The following ZAN variants were observed in gnomAD, a reference collection of about 807,000 sequenced individuals.
The protein encoded by ZAN is zonadhesin.
In ZAN, 260 loss-of-function variants were observed where a neutral mutation model predicts 286.2. That is an observed-to-expected ratio of 0.91 (90% CI 0.82 to 1.01). The LOEUF is 1.01. ZAN is among the 50% of genes least tolerant of loss of function. The pLI, the probability that ZAN is intolerant of heterozygous loss-of-function variation, is 0.00. For synonymous variants in ZAN, 1,368 were observed against 1,417.5 expected (o/e 0.97, Z 0.79); for missense variants, 3,410 against 3,639.2 (o/e 0.94, Z 1.62).
chr7:100,749,337 G>C (rs1461842623), intron 11 of ZAN, among the ~76,000 whole-genome samples: 1 of 151,146 alleles, frequency 6.6e-6, no homozygotes, highest in Non-Finnish European at 1.5e-5. Flanking sequence ...GTAAGATTCT[G>C]TCTTAAAAAT....
rs773775545 is a variant in ZAN at position 100,759,863 on chromosome 7, C to G, written c.3696+18C>G. On this transcript the variant is annotated intron_variant, in intron 18 of 47. Coordinates refer to ENST00000613979, the MANE Select transcript of ZAN (RefSeq NM_003386.3). Reference sequence around the variant, plus strand: ...GCACTCTGGTGAGCCCCATTCCACCCCCACCATCCTTGCAGGGTCTGACTG... The same window carrying G: ...GCACTCTGGTGAGCCCCATTCCACCGCCACCATCCTTGCAGGGTCTGACTG... 1 of 1,609,822 alleles carries G rather than the reference C, an allele frequency of 6.2e-7. No homozygotes were observed. The highest frequency in any genetic ancestry group is 1.1e-5 in the South Asian group (1 of 90,374).
Position 100,779,532 on chromosome 7 carries a change from G to A in ZAN, c.6404G>A (p.Arg2135His), listed in dbSNP as rs376133509. 6.2e-5 allele frequency: 100 copies of A among 1,612,140 alleles called. 1 individual carries two copies. The highest frequency in any genetic ancestry group is 8.2e-5 in the Non-Finnish European group (97 of 1,179,332). ...PSGNCRAADL[R>H]RAREKCEAAL... is the part of the protein sequence containing the mutation. Reference sequence around the variant, plus strand: ...GGAAACTGCAGGGCGGCCGACCTCCGCAGGGCGCGGGAAAAGTGCGAGGCA... The same window carrying A: ...GGAAACTGCAGGGCGGCCGACCTCCACAGGGCGCGGGAAAAGTGCGAGGCA... Residue 2135 changes from arginine to histidine, a missense_variant, in exon 35 of 48, where the codon CGC (arginine) becomes CAC (histidine). By Grantham distance (29) the Arg-to-His change is conservative. Around this residue, in one of 7 missense-constraint regions of ZAN, gnomAD observed 1,289 missense variants for 1,314.3 expected, o/e 0.98. Coordinates refer to ENST00000613979, the MANE Select transcript of ZAN (RefSeq NM_003386.3).
At position 100,792,047 on chromosome 7, in the gene ZAN, G is replaced by A. The variant is rs761936194; in HGVS notation, c.7611G>A (p.Glu2537=). The stretch of plus-strand genomic sequence containing the variant: ...TCCAAGTGTCCGAATGTAGCCCGGA[G>A]CAGCTGGCGAGCAACAGCACCCAGG... The part of the protein sequence containing the change: ...TGLQVSECSP[E]QLASNSTQAC... The change falls in exon 41 of 48, where the codon GAG becomes GAA. Residue 2537 remains glutamate (E), a synonymous_variant. Transcript: ENST00000613979. 1.9e-6 allele frequency: 3 copies of A among 1,613,240 alleles called. No individual in the cohort carries two copies. The highest frequency in any genetic ancestry group is 2.5e-6 in the Non-Finnish European group (3 of 1,179,782).
In ZAN at chr7:100,738,987, C is replaced by CTCTCCT. The variant is rs1295059367; in HGVS notation, c.766+390_766+395dup. Among the ~76,000 whole-genome samples, 389 of 39,404 alleles carry CTCTCCT rather than the reference C, an allele frequency of 9.9e-3. 77 individuals carry two copies. The highest frequency in any genetic ancestry group is 0.02 in the African/African-American group (253 of 12,664). The allele number at this position is 39,404 out of a possible 152,430, so 25.9% of individuals were successfully genotyped here. On this transcript the variant is annotated intron_variant, in intron 7 of 47. Coordinates refer to ENST00000613979, the MANE Select transcript of ZAN (RefSeq NM_003386.3). ...CCTCTCCCTCTCCCTCTCCCTCTCC[C>CTCTCCT]TCTCCTTCTCCTTCTCCTTCTTCTT...
At chr7:100,743,410 A>G (rs2115697529) in intron 7 of ZAN, among the ~76,000 whole-genome samples, 1 of 151,558 alleles carries the variant, frequency 6.6e-6, no homozygotes, top group East Asian at 1.9e-4. Flanking sequence ...TTCTCTTTCT[A>G]CTGTTGACTT....
Position 100,776,442 on chromosome 7 carries a change from C to A in ZAN, c.6195C>A (p.Val2065=). 1 of 1,605,622 alleles carries A rather than the reference C, an allele frequency of 6.2e-7. No individual in the cohort carries two copies. Among genetic ancestry groups the A allele is most frequent in the South Asian group, 1.1e-5 (1 of 89,074 alleles). ...IEIPTTYYGK[V]CGMCGNFNDE... ...GAAAAACCACTCTCCCCCGCCAGGTCTGCGGCATGTGTGGGAACTTCAATG... is the reference window on the plus strand; with the variant it reads ...GAAAAACCACTCTCCCCCGCCAGGTATGCGGCATGTGTGGGAACTTCAATG... The change falls in exon 34 of 48, where the codon GTC becomes GTA. Residue 2065 remains valine, a splice_region_variant and synonymous_variant. Transcript: ENST00000613979.
chr7:100,797,226 G>A (rs1812418630), intron 45 of ZAN, 140 bp from the exon 46 acceptor site: 2 of 759,134 alleles, frequency 2.6e-6, no homozygotes, highest in Admixed American at 2.3e-5. Context: ...GAACCTCCTG[G>A]AGGAAGAAGC....
chr7:100,758,419 G>T (rs531790131), intron 16 of ZAN, 76 bp downstream of exon 16: 44 of 1,588,974 alleles, frequency 2.8e-5, no homozygotes, highest in Admixed American at 5.1e-5. Flanking sequence ...CCAATCCCTC[G>T]CTTGAGCAGA....
At chr7:100,759,632 T>A in intron 17 of ZAN, 89 bp from the exon 18 acceptor site, 7 of 1,406,466 alleles carry the variant, frequency 5.0e-6, no homozygotes, top group Non-Finnish European at 5.6e-6. Flanking sequence ...GGCGCTCATC[T>A]CTCCCTGCGG....
intron 34 of ZAN, among the ~76,000 whole-genome samples, chr7:100,779,225 C>T (rs1355341531): frequency 6.7e-6 from 1 of 149,048 alleles, no homozygotes; most frequent in Non-Finnish European, 1.5e-5. Context: ...AAAAATTGGT[C>T]GGGCGTGGTG....
Position 100,736,943 on chromosome 7 carries a change from GC to G in ZAN, c.391del (p.Gln131SerfsTer46). The G allele has an allele frequency of 6.7e-7, 1 of 1,501,930 alleles. No individual in the cohort carries two copies. Among genetic ancestry groups the G allele is most frequent in the Non-Finnish European group, 9.1e-7 (1 of 1,097,410 alleles). 93.0% of individuals were successfully genotyped at this position (1,501,930 alleles called of 1,614,324 possible). ...AHHMFGLSWGAQLRLLLLSGE... is the reference protein window; with the variant it reads ...AHHMFGLSWGXQLRLLLLSGE... ...CCACATGTTCGGGCTGTCTTGGGGC[GC>G]CCAGCTCAGGCTGCTGCTGCTCTCG... On this transcript the variant is annotated frameshift_variant, in exon 5 of 48. Transcript: ENST00000613979. LOFTEE classifies it high-confidence loss of function.
intron 14 of ZAN, among the ~76,000 whole-genome samples, chr7:100,754,341 C>T (rs1280926513): frequency 6.6e-6 from 1 of 151,586 alleles, no homozygotes; most frequent in East Asian, 2.0e-4. Flanking sequence ...TGCCTGTAGT[C>T]CCAGCTACTC....
Position 100,752,817 on chromosome 7 carries a change from A to G in ZAN, c.2712A>G (p.Glu904=), listed in dbSNP as rs374361522. 3.5e-5 allele frequency: 56 copies of G among 1,593,652 alleles called. No individual in the cohort carries two copies. The African/African-American group carries it at 7.0e-4, about 20-fold the overall frequency. Residue 904 remains glutamate (E), a synonymous_variant, in exon 14 of 48, where the codon GAA becomes GAG. Transcript: ENST00000613979. The part of the protein sequence containing the change: ...ISTEKLTIPT[E]KPTISPEKPT... ...CAGAAAAACTCACCATCCCCACAGA[A>G]AAACCCACCATCTCCCCAGAAAAAC...
Position 100,746,617 on chromosome 7 carries a change from CT to C in ZAN, c.847del (p.Ser283LeufsTer4). 1 of 1,614,024 alleles carries C rather than the reference CT, an allele frequency of 6.2e-7. No homozygotes were observed. The highest frequency in any genetic ancestry group is 8.5e-7 in the Non-Finnish European group (1 of 1,179,906). The stretch of plus-strand genomic sequence containing the variant: ...TCCTCCTGAGCCCCGTGAGCCTGTC[CT>C]CTGGCTGTCTGAGCTTTTCCTTCCA... ...AVLLSPVSLS[S>X]GCLSFSFHYI... On this transcript the variant is annotated frameshift_variant, in exon 8 of 48. Coordinates refer to ENST00000613979, the MANE Select transcript of ZAN (RefSeq NM_003386.3). LOFTEE classifies it high-confidence loss of function.
At chr7:100,787,844 G>C (rs986833691) in intron 37 of ZAN, 45 bp from the exon 38 acceptor site, 1 of 1,451,150 alleles carries the variant, frequency 6.9e-7, no homozygotes, top group African/African-American at 1.4e-5. Context: ...TTACAGGCGT[G>C]AGCCACTGCG....
intron 24 of ZAN, 146 bp from the exon 25 acceptor site, chr7:100,766,864 G>C: frequency 1.3e-6 from 2 of 1,485,414 alleles, no homozygotes. Flanking sequence ...TCCAAGCCAA[G>C]CCAACCACAC....
Position 100,753,104 on chromosome 7 carries a change from T to C in ZAN, c.2999T>C (p.Leu1000Pro). ...ATTCCCACAGAGAAGCTCACAGCCCTGAGGCCACCCCATCCCAGCCCCACA... is the reference window on the plus strand; with the variant it reads ...ATTCCCACAGAGAAGCTCACAGCCCCGAGGCCACCCCATCCCAGCCCCACA... ...PTIPTEKLTA[L>P]RPPHPSPTAT... is the part of the protein sequence containing the mutation. Residue 1000 changes from leucine to proline, a missense_variant, in exon 14 of 48, where the codon CTG becomes CCG. By Grantham distance (98) the Leu-to-Pro change is moderately conservative (BLOSUM62 -3). Around this residue, in one of 7 missense-constraint regions of ZAN, gnomAD observed 1,042 missense variants for 1,058.0 expected, o/e 0.98. Transcript: ENST00000613979. 6.2e-7 allele frequency: 1 copy of C among 1,612,548 alleles called. No individual in the cohort carries two copies. The highest frequency in any genetic ancestry group is 1.7e-5 in the Admixed American group (1 of 59,900).
At chr7:100,768,235 C>T (rs918602947) in intron 26 of ZAN, among the ~76,000 whole-genome samples, 2 of 152,094 alleles carry the variant, frequency 1.3e-5, no homozygotes, top group African/African-American at 2.4e-5. Context: ...ACTTTGAGAG[C>T]CCGAGGAGGG....
intron 7 of ZAN, 122 bp from the exon 8 acceptor site, chr7:100,746,416 C>G: frequency 7.7e-7 from 1 of 1,294,004 alleles, no homozygotes; most frequent in Non-Finnish European, 1.1e-6. Flanking sequence ...TCAGTGCTGC[C>G]TGATTCTAGG....
Sources: allele counts gnomAD v4.1 joint callset (sites outside exome capture counted in the v4.1 genomes callset), GRCh38; gene constraint gnomAD v4.1.1; regional missense constraint gnomAD v4.1.1; transcripts MANE v1.5; gene names NCBI Gene and HGNC (gene_info 2026-07-23, HGNC 2026-07-21).